B4GALT6: variants seen among roughly 807,000 people sequenced by gnomAD.
B4GALT6 encodes UDP-Gal:beta-GlcNAc beta-1,4-galactosyltransferase 6.
B4GALT6 carries 14 observed loss-of-function variants against 46.3 expected under a neutral mutation model. The observed-to-expected ratio is 0.30, with a 90% CI of 0.20 to 0.47. B4GALT6 has a LOEUF of 0.47. B4GALT6 is among the 20% of genes least tolerant of loss of function. B4GALT6 has a pLI of 0.99. For synonymous variants in B4GALT6, 168 were observed against 162.0 expected, an observed-to-expected ratio of 1.04 and a Z score of -0.28; for missense variants, 386 against 480.1, an observed-to-expected ratio of 0.80 and a Z score of 1.83.
intron 3 of B4GALT6, among the ~76,000 whole-genome samples, chr18:31,647,579 C>T (rs564039568): frequency 2.0e-5 from 3 of 152,280 alleles, no homozygotes; most frequent in South Asian, 2.1e-4. Flanking sequence ...TAAAGATTGA[C>T]CTGGTGGCAT....
intron 4 of B4GALT6, among the ~76,000 whole-genome samples, chr18:31,642,820 G>C (rs533881376): frequency 3.3e-3 from 504 of 152,310 alleles, no homozygotes; most frequent in Non-Finnish European, 5.6e-3. Context: ...GAGTAGCTGG[G>C]ATTACAAGCC....
chr18:31,648,922 A>G (rs1274653852), intron 3 of B4GALT6, among the ~76,000 whole-genome samples: 1 of 152,062 alleles, frequency 6.6e-6, no homozygotes, highest in Non-Finnish European at 1.5e-5. Flanking sequence ...CTAATTCTGG[A>G]TATGTTGGCT....
intron 6 of B4GALT6, 41 bp downstream of exon 6, chr18:31,630,918 A>T (rs2073779186): frequency 6.3e-7 from 1 of 1,594,026 alleles, no homozygotes; most frequent in Non-Finnish European, 8.6e-7. Context: ...ATGACTGTGC[A>T]ATTATATCGT....
chr18:31,724,570 C>T, the B4GALT6 span: 1 of 1,050,686 alleles, frequency 9.5e-7, no homozygotes, highest in Non-Finnish European at 1.2e-6. Flanking sequence ...AGTTTGGTTC[C>T]ATTCTTGGAC....
the B4GALT6 span, among the ~76,000 whole-genome samples, chr18:31,696,763 C>T: frequency 2.6e-5 from 4 of 152,142 alleles, no homozygotes; most frequent in Non-Finnish European, 5.9e-5. Flanking sequence ...TTCATGTGGG[C>T]TTATTTTCTT....
chr18:31,724,296 C>T, the B4GALT6 span: 1 of 462,276 alleles, frequency 2.2e-6, no homozygotes, highest in East Asian at 7.8e-5. Flanking sequence ...CCCACGGGCC[C>T]CTCCTCACAT....
At chr18:31,641,881 C>T (rs1567964366) in intron 4 of B4GALT6, among the ~76,000 whole-genome samples, 1 of 152,168 alleles carries the variant, frequency 6.6e-6, no homozygotes, top group Non-Finnish European at 1.5e-5. Context: ...TCAATTTCTC[C>T]CACCAAGTTT....
At chr18:31,627,801 T>C (rs557887600) in intron 6 of B4GALT6, among the ~76,000 whole-genome samples, 2 of 152,338 alleles carry the variant, frequency 1.3e-5, no homozygotes, top group East Asian at 3.9e-4. Flanking sequence ...CTAAACTATA[T>C]TTTTACTTAG....
chr18:31,681,420 G>A (rs757498388), intron 1 of B4GALT6, among the ~76,000 whole-genome samples: 1 of 152,284 alleles, frequency 6.6e-6, no homozygotes, highest in Non-Finnish European at 1.5e-5. Context: ...TGATGGGGCA[G>A]GTGTCTGCCA....
chr18:31,707,337 T>C, the B4GALT6 span, among the ~76,000 whole-genome samples: 31 of 151,924 alleles, frequency 2.0e-4, no homozygotes, highest in Non-Finnish European at 2.2e-4. Flanking sequence ...AGTGTTAATA[T>C]GTAGTAATAT....
At chr18:31,636,899 G>A (rs530958310) in intron 5 of B4GALT6, among the ~76,000 whole-genome samples, 21 of 152,300 alleles carry the variant, frequency 1.4e-4, no homozygotes, top group African/African-American at 4.8e-4. Flanking sequence ...TTGGCTCACT[G>A]CAACCTCCAT....
At chr18:31,678,916 C>T (rs568926337) in intron 1 of B4GALT6, among the ~76,000 whole-genome samples, 1 of 152,322 alleles carries the variant, frequency 6.6e-6, no homozygotes, top group Non-Finnish European at 1.5e-5. Context: ...CCCTGAGAAG[C>T]CCTGCAGGAC....
upstream of B4GALT6, among the ~76,000 whole-genome samples, chr18:31,688,683 AT>A (rs1177373405): frequency 6.6e-6 from 1 of 152,166 alleles, no homozygotes; most frequent in Non-Finnish European, 1.5e-5. Context: ...CCACTTTGAT[AT>A]CATTTTCACA....
chr18:31,668,869 G>A (rs1353006942), intron 1 of B4GALT6, among the ~76,000 whole-genome samples: 1 of 150,942 alleles, frequency 6.6e-6, no homozygotes, highest in Non-Finnish European at 1.5e-5. Flanking sequence ...AAACTAGCCA[G>A]GCGTGGTGGC....
chr18:31,677,422 A>T (rs2074426587), intron 1 of B4GALT6, among the ~76,000 whole-genome samples: 2 of 152,236 alleles, frequency 1.3e-5, no homozygotes, highest in South Asian at 4.1e-4. Flanking sequence ...GGCCTAATAC[A>T]GGATGTAAAT....
At chr18:31,625,990 C>A (rs4799588) in intron 8 of B4GALT6, among the ~76,000 whole-genome samples, 418 of 152,272 alleles carry the variant, frequency 2.7e-3, no homozygotes, top group Non-Finnish European at 4.6e-3. Context: ...AATTAGACAT[C>A]TTTAATAAAT....
intron 2 of B4GALT6, among the ~76,000 whole-genome samples, chr18:31,661,500 A>C (rs1290660767): frequency 6.6e-6 from 1 of 152,212 alleles, no homozygotes; most frequent in Non-Finnish European, 1.5e-5. Flanking sequence ...TAAATATTGA[A>C]TGGCAAGTTC....
chr18:31,655,317 G>A (rs1368549090), intron 3 of B4GALT6, among the ~76,000 whole-genome samples: 3 of 152,196 alleles, frequency 2.0e-5, no homozygotes, highest in Non-Finnish European at 4.4e-5. Flanking sequence ...CACTAATTGG[G>A]CACAAAATTG....
At chr18:31,655,300 C>T (rs1008118725) in intron 3 of B4GALT6, among the ~76,000 whole-genome samples, 5 of 152,202 alleles carry the variant, frequency 3.3e-5, no homozygotes, top group Non-Finnish European at 5.9e-5. Flanking sequence ...ATGGCCACCA[C>T]GGCCACCACT....
Sources: allele counts gnomAD v4.1 joint callset (sites outside exome capture counted in the v4.1 genomes callset), GRCh38; gene constraint gnomAD v4.1.1; transcripts MANE v1.5; gene names NCBI Gene and HGNC (gene_info 2026-07-23, HGNC 2026-07-21).